The following SLC24A3 variants were observed in gnomAD, a reference collection of about 807,000 sequenced individuals.
SLC24A3 encodes sodium/potassium/calcium exchanger 3.
A neutral mutation model predicts 75.8 loss-of-function variants in SLC24A3; 28 were observed. The observed-to-expected ratio is 0.37, with a 90% CI of 0.27 to 0.51. SLC24A3 has a LOEUF of 0.51. Among genes scored for constraint, SLC24A3 ranks in the 20% least tolerant of loss-of-function variants. The probability of loss-of-function intolerance (pLI) is 0.94; values close to 1 mark genes in which losing one functional copy is unlikely to be tolerated. For synonymous variants in SLC24A3, 372 were observed against 334.1 expected (o/e 1.11, Z -1.24); for missense variants, 663 against 847.8 (o/e 0.78, Z 2.71).
At chr20:19,273,946 A>G (rs897929179) in intron 1 of SLC24A3, among the ~76,000 whole-genome samples, 1 of 150,886 alleles carries the variant, frequency 6.6e-6, no homozygotes, top group Non-Finnish European at 1.5e-5. Flanking sequence ...CAGTCCCTCC[A>G]ATAGGACAGG....
At chr20:19,573,537 A>G (rs898133378) in intron 3 of SLC24A3, among the ~76,000 whole-genome samples, 2 of 152,350 alleles carry the variant, frequency 1.3e-5, no homozygotes, top group Non-Finnish European at 2.9e-5. Context: ...TGGTGAGTGA[A>G]GCAAGTAAGG....
chr20:19,579,775 T>C (rs1261848676), intron 3 of SLC24A3, among the ~76,000 whole-genome samples: 1 of 152,082 alleles, frequency 6.6e-6, no homozygotes, highest in East Asian at 1.9e-4. Flanking sequence ...CATGACATGT[T>C]TCATGGAAAG....
At chr20:19,325,561 C>T (rs1305053023) in intron 2 of SLC24A3, among the ~76,000 whole-genome samples, 2 of 151,622 alleles carry the variant, frequency 1.3e-5, no homozygotes, top group African/African-American at 4.8e-5. Flanking sequence ...CAGTGCCCTG[C>T]TCCTTCCTGA....
chr20:19,358,179 A>G (rs887094739), intron 2 of SLC24A3, among the ~76,000 whole-genome samples: 1 of 152,322 alleles, frequency 6.6e-6, no homozygotes, highest in Admixed American at 6.5e-5. Flanking sequence ...CCTGTCAAAA[A>G]TCCAGATTGC....
At chr20:19,231,020 T>A (rs1483177554) in intron 1 of SLC24A3, among the ~76,000 whole-genome samples, 3 of 152,244 alleles carry the variant, frequency 2.0e-5, no homozygotes, top group African/African-American at 7.2e-5. Flanking sequence ...TTTTTAGGCT[T>A]ACACCTGTTT....
chr20:19,699,726 C>A (rs2032850061), intron 15 of SLC24A3, among the ~76,000 whole-genome samples: 1 of 152,172 alleles, frequency 6.6e-6, no homozygotes, highest in South Asian at 2.1e-4. Context: ...AGCTGCAGGC[C>A]TCTAATTCCT....
chr20:19,474,106 G>A (rs936770162), intron 2 of SLC24A3, among the ~76,000 whole-genome samples: 6 of 152,200 alleles, frequency 3.9e-5, no homozygotes, highest in East Asian at 1.9e-4. Flanking sequence ...CCTGTCAGCC[G>A]CAGTGGCAAT....
chr20:19,419,838 T>TTA (rs1469092984), intron 2 of SLC24A3, among the ~76,000 whole-genome samples: 7 of 151,308 alleles, frequency 4.6e-5, no homozygotes, highest in African/African-American at 1.7e-4. Flanking sequence ...TTTTTTTTTT[T>TTA]TTATTATACT....
chr20:19,555,364 G>A (rs1358933177), intron 3 of SLC24A3, among the ~76,000 whole-genome samples: 1 of 152,130 alleles, frequency 6.6e-6, no homozygotes. Flanking sequence ...CAAAACTGAG[G>A]CCAAGGAATT....
intron 6 of SLC24A3, 134 bp downstream of exon 6, chr20:19,585,678 G>A: frequency 1.3e-6 from 1 of 787,582 alleles, no homozygotes; most frequent in Non-Finnish European, 2.1e-6. Flanking sequence ...CAGTGATTTG[G>A]GACCTCACAT....
intron 1 of SLC24A3, among the ~76,000 whole-genome samples, chr20:19,249,732 G>GA (rs1209548286): frequency 3.3e-5 from 5 of 151,832 alleles, no homozygotes; most frequent in African/African-American, 4.8e-5. Context: ...GACTCACTTT[G>GA]AAAAAAAATC....
intron 15 of SLC24A3, among the ~76,000 whole-genome samples, chr20:19,700,669 A>G (rs1377485876): frequency 6.6e-6 from 1 of 152,226 alleles, no homozygotes; most frequent in African/African-American, 2.4e-5. Flanking sequence ...TTGTATAGCA[A>G]AGATCATCCT....
At chr20:19,299,040 TG>T (rs1305135950) in intron 2 of SLC24A3, among the ~76,000 whole-genome samples, 1 of 152,098 alleles carries the variant, frequency 6.6e-6, no homozygotes, top group Non-Finnish European at 1.5e-5. Context: ...TGGGCCATTG[TG>T]GGTGAGGGGA....
intron 2 of SLC24A3, among the ~76,000 whole-genome samples, chr20:19,400,330 T>C (rs1339016239): frequency 6.6e-6 from 1 of 152,198 alleles, no homozygotes. Context: ...CTTACTTTTT[T>C]GACTTGTTGG....
chr20:19,547,694 A>T (rs974776607), intron 3 of SLC24A3, among the ~76,000 whole-genome samples: 11 of 152,240 alleles, frequency 7.2e-5, no homozygotes, highest in African/African-American at 2.7e-4. Context: ...GGCCAAAAAA[A>T]ACTGCCTCTC....
At chr20:19,367,476 A>C (rs1266811663) in intron 2 of SLC24A3, among the ~76,000 whole-genome samples, 3 of 141,194 alleles carry the variant, frequency 2.1e-5, no homozygotes, top group Non-Finnish European at 3.0e-5. Flanking sequence ...AACAAACAAA[A>C]AAAGAAGCCC....
At chr20:19,221,636 G>A (rs914058051) in intron 1 of SLC24A3, among the ~76,000 whole-genome samples, 6 of 152,116 alleles carry the variant, frequency 3.9e-5, no homozygotes, top group African/African-American at 1.4e-4. Context: ...CATTTGCCTT[G>A]GAATTCTGAA....
intron 2 of SLC24A3, among the ~76,000 whole-genome samples, chr20:19,452,940 T>C (rs968071054): frequency 4.6e-5 from 7 of 152,180 alleles, no homozygotes; most frequent in African/African-American, 1.7e-4. Context: ...TCCCAGCACT[T>C]TGGGAGGCCG....
intron 2 of SLC24A3, among the ~76,000 whole-genome samples, chr20:19,295,169 T>G (rs1387649079): frequency 6.6e-6 from 1 of 152,218 alleles, no homozygotes; most frequent in Non-Finnish European, 1.5e-5. Flanking sequence ...TTTCTTCTTG[T>G]AAAATTTTTT....
Sources: allele counts gnomAD v4.1 joint callset (sites outside exome capture counted in the v4.1 genomes callset), GRCh38; gene constraint gnomAD v4.1.1; transcripts MANE v1.5; gene names NCBI Gene and HGNC (gene_info 2026-07-23, HGNC 2026-07-21).